RAB38: variants seen among roughly 807,000 people sequenced by gnomAD.
The protein encoded by RAB38 is ras-related protein Rab-38.
RAB38 carries 15 observed loss-of-function variants against 18.4 expected under a neutral mutation model. The observed-to-expected ratio is 0.82, with a 90% CI of 0.55 to 1.26. The LOEUF is 1.26. RAB38 is among the 50% of genes most tolerant of loss of function. RAB38 has a pLI of 0.00. For synonymous variants in RAB38, 101 were observed against 104.4 expected, an observed-to-expected ratio of 0.97 and a Z score of 0.20; for missense variants, 294 against 267.4, an observed-to-expected ratio of 1.10 and a Z score of -0.69.
the RAB38 span, among the ~76,000 whole-genome samples, chr11:87,826,978 A>T: frequency 9.9e-5 from 15 of 152,252 alleles, no homozygotes; most frequent in South Asian, 2.7e-3. Context: ...TGAGCCTGAC[A>T]TTTCTTTTTC....
At chr11:87,890,699 T>C in the RAB38 span, among the ~76,000 whole-genome samples, 1 of 151,888 alleles carries the variant, frequency 6.6e-6, no homozygotes, top group Non-Finnish European at 1.5e-5. Flanking sequence ...ATAGAGGTTC[T>C]CTTCATCCTC....
At chr11:88,033,473 A>C in the RAB38 span, among the ~76,000 whole-genome samples, 1 of 152,158 alleles carries the variant, frequency 6.6e-6, no homozygotes, top group Non-Finnish European at 1.5e-5. Context: ...CCAAATTTTC[A>C]TGATTCATTA....
At chr11:88,156,193 T>C (rs1434877489) in intron 1 of RAB38, among the ~76,000 whole-genome samples, 1 of 152,170 alleles carries the variant, frequency 6.6e-6, no homozygotes, top group Non-Finnish European at 1.5e-5. Context: ...TGCCAGATAC[T>C]ATACAAAATG....
At chr11:87,817,541 C>CT in the RAB38 span, 1 of 152,124 alleles carries the variant, frequency 6.6e-6, no homozygotes, top group African/African-American at 2.4e-5. Flanking sequence ...TGGATTGAAG[C>CT]TGCCTTATCT....
At chr11:87,952,680 A>ATGTCCTGAGGATTGTAGAGGC in the RAB38 span, among the ~76,000 whole-genome samples, 6 of 152,312 alleles carry the variant, frequency 3.9e-5, no homozygotes, top group Middle Eastern at 6.8e-3. Flanking sequence ...CATGGTCACT[A>ATGTCCTGAGGATTGTAGAGGC]TGTCCTGAGG....
At chr11:87,873,703 GA>G in the RAB38 span, among the ~76,000 whole-genome samples, 1 of 150,994 alleles carries the variant, frequency 6.6e-6, no homozygotes, top group Non-Finnish European at 1.5e-5. Flanking sequence ...ACCATTTATG[GA>G]AAAAAATATC....
the RAB38 span, among the ~76,000 whole-genome samples, chr11:88,054,273 A>G: frequency 6.6e-6 from 1 of 152,196 alleles, no homozygotes; most frequent in Non-Finnish European, 1.5e-5. Flanking sequence ...TTGAAGAACC[A>G]GGCTAGGATG....
At chr11:87,923,363 A>G in the RAB38 span, among the ~76,000 whole-genome samples, 1 of 151,986 alleles carries the variant, frequency 6.6e-6, no homozygotes, top group South Asian at 2.1e-4. Flanking sequence ...GAATTTATTC[A>G]AAAAACAGCA....
the RAB38 span, among the ~76,000 whole-genome samples, chr11:87,808,903 A>G: frequency 4.6e-5 from 7 of 152,312 alleles, no homozygotes; most frequent in South Asian, 1.5e-3. Flanking sequence ...GTATCAATTA[A>G]TATTCGATTT....
the RAB38 span, among the ~76,000 whole-genome samples, chr11:88,046,200 G>A: frequency 6.6e-6 from 1 of 152,052 alleles, no homozygotes; most frequent in African/African-American, 2.4e-5. Flanking sequence ...CGCTTTAAAA[G>A]GATTAAAGCT....
chr11:88,052,167 G>A, the RAB38 span, among the ~76,000 whole-genome samples: 6 of 152,140 alleles, frequency 3.9e-5, no homozygotes, highest in African/African-American at 1.4e-4. Flanking sequence ...ACCTGTTGGG[G>A]TTGACAGTGA....
chr11:87,820,520 A>ACAG, the RAB38 span, among the ~76,000 whole-genome samples: 5 of 152,192 alleles, frequency 3.3e-5, no homozygotes, highest in African/African-American at 1.2e-4. Context: ...CACATATTTA[A>ACAG]ATCAGAGTGG....
chr11:88,029,841 G>A, the RAB38 span, among the ~76,000 whole-genome samples: 1 of 152,002 alleles, frequency 6.6e-6, no homozygotes, highest in Non-Finnish European at 1.5e-5. Context: ...AGTCAACAAG[G>A]ATACCAGGAA....
At chr11:88,123,842 A>G (rs183651927) in intron 2 of RAB38, among the ~76,000 whole-genome samples, 21 of 152,312 alleles carry the variant, frequency 1.4e-4, no homozygotes, top group Non-Finnish European at 2.8e-4. Flanking sequence ...TTACGACTAT[A>G]TAGTACATAT....
chr11:88,078,501 A>ATGTGTGTGTGTGTGTGTGTG, the RAB38 span, among the ~76,000 whole-genome samples: 556 of 148,784 alleles, frequency 3.7e-3, 2 homozygotes, highest in African/African-American at 0.013. Flanking sequence ...GTGTGTATAT[A>ATGTGTGTGTGTGTGTGTGTG]TGTGTGTGTG....
At chr11:87,868,213 G>A in the RAB38 span, among the ~76,000 whole-genome samples, 5 of 151,596 alleles carry the variant, frequency 3.3e-5, no homozygotes, top group Non-Finnish European at 4.4e-5. Flanking sequence ...CATCTTTGAG[G>A]TAGTGAGTGA....
the RAB38 span, among the ~76,000 whole-genome samples, chr11:87,938,182 T>C: frequency 2.6e-5 from 4 of 152,134 alleles, no homozygotes; most frequent in East Asian, 1.9e-4. Flanking sequence ...CTCCCTGTTA[T>C]TGCTTTTTGG....
intron 1 of RAB38, among the ~76,000 whole-genome samples, chr11:88,154,611 C>T (rs909115420): frequency 6.6e-6 from 1 of 152,178 alleles, no homozygotes; most frequent in Non-Finnish European, 1.5e-5. Context: ...AGCTGCCCCA[C>T]CTGTGACAGA....
At chr11:87,946,533 C>T in the RAB38 span, among the ~76,000 whole-genome samples, 4 of 152,032 alleles carry the variant, frequency 2.6e-5, no homozygotes, top group East Asian at 1.9e-4. Context: ...AATGCTATCC[C>T]TCCCCCCTCG....
Sources: allele counts gnomAD v4.1 joint callset (sites outside exome capture counted in the v4.1 genomes callset), GRCh38; gene constraint gnomAD v4.1.1; transcripts MANE v1.5; gene names NCBI Gene and HGNC (gene_info 2026-07-23, HGNC 2026-07-21).